Variants in RCL1 observed in about 807,000 individuals in gnomAD.
RCL1 encodes RNA 3'-terminal phosphate cyclase-like protein.
In RCL1, 24 loss-of-function variants were observed where a neutral mutation model predicts 42.4. The ratio of observed to expected loss-of-function variants is 0.57; its 90% confidence interval spans 0.41 to 0.80. The LOEUF (loss-of-function observed/expected upper bound fraction) is 0.80. Ranked by LOEUF, RCL1 falls within the 30% of genes least tolerant of loss-of-function variation. The pLI, the probability that RCL1 is intolerant of heterozygous loss-of-function variation, is 0.00. For missense variants in RCL1, 578 were observed against 467.9 expected (o/e 1.24, Z -2.17); for synonymous variants, 228 against 177.3 (o/e 1.29, Z -2.27).
chr9:4,835,370 A>G (rs1817087333), intron 5 of RCL1, among the ~76,000 whole-genome samples: 1 of 152,132 alleles, frequency 6.6e-6, no homozygotes, highest in African/African-American at 2.4e-5. Context: ...AGGAGTTAGC[A>G]TTGGGGTGGG....
intron 1 of RCL1, among the ~76,000 whole-genome samples, chr9:4,794,724 T>C (rs943058165): frequency 6.6e-6 from 1 of 152,198 alleles, no homozygotes; most frequent in African/African-American, 2.4e-5. Context: ...TTAGAGTTTT[T>C]CTATTGACAG....
At chr9:4,845,934 G>T (rs560533304) in intron 7 of RCL1, among the ~76,000 whole-genome samples, 1 of 152,248 alleles carries the variant, frequency 6.6e-6, no homozygotes, top group South Asian at 2.1e-4. Flanking sequence ...TCTCGTTTAT[G>T]GTAGCAAAAA....
chr9:4,824,374 ATTTTT>A (rs71326141), intron 2 of RCL1, among the ~76,000 whole-genome samples: 6 of 120,298 alleles, frequency 5.0e-5, no homozygotes, highest in African/African-American at 9.2e-5. Flanking sequence ...TTCAGCCAGC[ATTTTT>A]TTTTTTTTTT....
In RCL1 at chr9:4,799,231, C is replaced by T. The variant is rs538675012; in HGVS notation, c.136+6004C>T. On this transcript the variant is annotated intron_variant, in intron 1 of 8. Transcript: ENST00000381750. ...TCCAGTGAGCCTTCTGCCTAACTGT[C>T]CCAAAGTGCTGAGATTACAGGCAAG... 1.7e-3 allele frequency among the ~76,000 whole-genome samples: 257 copies of T among 151,976 alleles called. 1 individual carries two copies. Among genetic ancestry groups the T allele is most frequent in the African/African-American group, 6.0e-3 (249 of 41,396 alleles).
chr9:4,852,606 G>A (rs1321669191), intron 8 of RCL1, among the ~76,000 whole-genome samples: 1 of 152,086 alleles, frequency 6.6e-6, no homozygotes, highest in Non-Finnish European at 1.5e-5. Flanking sequence ...GATAAGGTGC[G>A]TGGTCCTGAA....
At chr9:4,813,232 C>T (rs1322673109) in intron 1 of RCL1, among the ~76,000 whole-genome samples, 1 of 152,084 alleles carries the variant, frequency 6.6e-6, no homozygotes, top group Non-Finnish European at 1.5e-5. Context: ...AAGAAACTAC[C>T]ATCAGAGTGA....
chr9:4,822,352 T>G (rs781136739), intron 1 of RCL1, among the ~76,000 whole-genome samples: 2 of 152,220 alleles, frequency 1.3e-5, no homozygotes, highest in Non-Finnish European at 2.9e-5. Flanking sequence ...CTTTCTGTCC[T>G]TGTTCATGGG....
chr9:4,833,337 C>T lies in RCL1; in HGVS notation c.459+109C>T, dbSNP rs964593736. 2.5e-5 allele frequency: 20 copies of T among 810,060 alleles called. No individual in the cohort carries two copies. The African/African-American group carries it at 3.0e-4, about 12-fold the overall frequency. 50.2% of individuals were successfully genotyped at this position (810,060 alleles called of 1,614,324 possible). A position where few individuals can be genotyped will look rare whatever the true frequency, so the allele number is the denominator to read the frequency against. ...GTATGTGTGTCACATTTGAAGTCAC[C>T]AGTTATCAGAAGACTCACAGGGCTC... On this transcript the variant is annotated intron_variant, in intron 4 of 8. Coordinates refer to ENST00000381750, the MANE Select transcript of RCL1 (RefSeq NM_005772.5).
At chr9:4,840,238 C>T (rs1227542219) in intron 5 of RCL1, among the ~76,000 whole-genome samples, 3 of 152,182 alleles carry the variant, frequency 2.0e-5, no homozygotes, top group African/African-American at 4.8e-5. Flanking sequence ...AGTTCTTGAA[C>T]ATTGGGCTGG....
At chr9:4,816,055 G>A (rs1206056736) in intron 1 of RCL1, among the ~76,000 whole-genome samples, 1 of 152,090 alleles carries the variant, frequency 6.6e-6, no homozygotes, top group Non-Finnish European at 1.5e-5. Context: ...TTAAAGTCTA[G>A]TTGTTTAATT....
intron 8 of RCL1, among the ~76,000 whole-genome samples, chr9:4,858,206 T>A (rs950429420): frequency 2.6e-5 from 4 of 152,146 alleles, no homozygotes; most frequent in African/African-American, 7.2e-5. Context: ...TTATTTGTCT[T>A]TTTATTATTG....
At chr9:4,826,434 G>T (rs1816765344) in intron 2 of RCL1, among the ~76,000 whole-genome samples, 2 of 150,004 alleles carry the variant, frequency 1.3e-5, no homozygotes, top group African/African-American at 2.5e-5. Flanking sequence ...GGTGAATGAG[G>T]TATATGAGAA....
At chr9:4,853,649 G>A (rs1438578818) in intron 8 of RCL1, among the ~76,000 whole-genome samples, 1 of 152,142 alleles carries the variant, frequency 6.6e-6, no homozygotes, top group South Asian at 2.1e-4. Context: ...GTAAGAGCTG[G>A]GATTCCATCC....
chr9:4,837,273 GT>G (rs1360445843), intron 5 of RCL1, among the ~76,000 whole-genome samples: 54 of 152,038 alleles, frequency 3.6e-4, no homozygotes, highest in African/African-American at 1.3e-3. Flanking sequence ...CCATTGAGTT[GT>G]TTTTTGCTTT....
intron 7 of RCL1, 88 bp downstream of exon 7, chr9:4,844,769 C>A: frequency 7.4e-7 from 1 of 1,354,904 alleles, no homozygotes; most frequent in Non-Finnish European, 1.0e-6. Context: ...CGTCCTCTTC[C>A]AAGGGCTCAA....
intron 1 of RCL1, among the ~76,000 whole-genome samples, chr9:4,797,403 T>C (rs547061232): frequency 4.6e-5 from 7 of 152,270 alleles, no homozygotes; most frequent in African/African-American, 1.7e-4. Context: ...TTCTGTAAAG[T>C]TCTTCTCCTA....
chr9:4,797,002 T>C (rs1842923915), intron 1 of RCL1, among the ~76,000 whole-genome samples: 1 of 152,250 alleles, frequency 6.6e-6, no homozygotes, highest in Non-Finnish European at 1.5e-5. Flanking sequence ...TTTATTTTAC[T>C]GAGGTAAAAT....
chr9:4,834,468 ATTCTT>A (rs1202735969), intron 5 of RCL1, among the ~76,000 whole-genome samples: 1 of 112,468 alleles, frequency 8.9e-6, no homozygotes, highest in Admixed American at 1.2e-4. Context: ...TGATTGAGTC[ATTCTT>A]TTTTTTTTTT....
chr9:4,842,246 G>T (rs1278150116), intron 6 of RCL1, among the ~76,000 whole-genome samples: 1 of 152,164 alleles, frequency 6.6e-6, no homozygotes, highest in African/African-American at 2.4e-5. Context: ...ACTGTTGTAG[G>T]TTAAGAAGTC....
Sources: allele counts gnomAD v4.1 joint callset (sites outside exome capture counted in the v4.1 genomes callset), GRCh38; gene constraint gnomAD v4.1.1; transcripts MANE v1.5; gene names NCBI Gene and HGNC (gene_info 2026-07-23, HGNC 2026-07-21).